The following PAK2 variants were observed in gnomAD, a reference collection of about 807,000 sequenced individuals.
The protein encoded by PAK2 is p21 (RAC1) activated kinase 2, also known as serine/threonine-protein kinase PAK 2.
In PAK2, 21 loss-of-function variants were observed where a neutral mutation model predicts 65.9. That is an observed-to-expected ratio of 0.32 (90% confidence interval 0.23 to 0.46). The LOEUF is 0.46. Among genes scored for constraint, PAK2 ranks in the 20% least tolerant of loss-of-function variants. PAK2 has a pLI of 1.00. For synonymous variants in PAK2, 204 were observed against 219.7 expected (o/e 0.93, Z 0.63); for missense variants, 324 against 642.6 (o/e 0.50, Z 5.36).
At chr3:196,796,046 G>A (rs1032596810) in intron 2 of PAK2, among the ~76,000 whole-genome samples, 3 of 152,190 alleles carry the variant, frequency 2.0e-5, no homozygotes, top group Non-Finnish European at 4.4e-5. Flanking sequence ...TAGGGCTCAC[G>A]CTATGCGGTC....
chr3:196,739,987 G>C lies in PAK2; in HGVS notation c.-192G>C, dbSNP rs1197153524. On this transcript the variant is annotated 5_prime_UTR_variant, in exon 1 of 15. Transcript: ENST00000327134. ...CTGGCGTGCGCAGGACTCCGCCGCC[G>C]CTGGGCCTAGCGGTAGCAGCGGCTG... The C allele has an allele frequency of 6.6e-6, 1 of 151,700 alleles. No individual in the cohort carries two copies. The highest frequency in any genetic ancestry group is 1.5e-5 in the Non-Finnish European group (1 of 67,854). 9.4% of individuals were successfully genotyped at this position (151,700 alleles called of 1,614,324 possible). A position where few individuals can be genotyped will look rare whatever the true frequency, so the allele number is the denominator to read the frequency against.
At chr3:196,826,184 A>G (rs182691691) in intron 13 of PAK2, among the ~76,000 whole-genome samples, 13 of 148,268 alleles carry the variant, frequency 8.8e-5, no homozygotes, top group Admixed American at 5.1e-4. Context: ...TTGTTTGTTT[A>G]TTTTTGGGAC....
chr3:196,799,665 A>AT lies in PAK2; in HGVS notation c.188-2255dup, dbSNP rs554457721. Among the ~76,000 whole-genome samples the AT allele has an allele frequency of 1.5e-3, 226 of 152,178 alleles. 1 individual carries two copies. Among genetic ancestry groups the AT allele is most frequent in the African/African-American group, 5.3e-3 (221 of 41,512 alleles). ...AGAACTGTGAGCCAAATGAACTTTT[A>AT]TTTTTTTGAGGCAGTCTCACGCTGT... On this transcript the variant is annotated intron_variant, in intron 2 of 14. Transcript: ENST00000327134.
At chr3:196,825,707 A>C (rs144099281) in intron 13 of PAK2, among the ~76,000 whole-genome samples, 3,024 of 152,322 alleles carry the variant, frequency 0.02, 36 homozygotes, top group South Asian at 0.054. Flanking sequence ...GGAAATAATT[A>C]GAACTATGTA....
chr3:196,742,417 G>A (rs1713230973), intron 1 of PAK2, among the ~76,000 whole-genome samples: 1 of 152,164 alleles, frequency 6.6e-6, no homozygotes, highest in South Asian at 2.1e-4. Context: ...CTTTTTAAGA[G>A]AGACTAGAAC....
chr3:196,776,576 G>C (rs1161725500), intron 1 of PAK2, among the ~76,000 whole-genome samples: 1 of 152,148 alleles, frequency 6.6e-6, no homozygotes, highest in Non-Finnish European at 1.5e-5. Flanking sequence ...TATCCACTAT[G>C]TTGATTTTAG....
intron 1 of PAK2, among the ~76,000 whole-genome samples, chr3:196,777,236 C>T (rs1714565429): frequency 6.6e-6 from 1 of 152,134 alleles, no homozygotes; most frequent in Non-Finnish European, 1.5e-5. Flanking sequence ...CAGATTCTCA[C>T]TCTGTCACCC....
At chr3:196,759,428 T>C (rs1365463712) in intron 1 of PAK2, among the ~76,000 whole-genome samples, 1 of 150,366 alleles carries the variant, frequency 6.7e-6, no homozygotes, top group Non-Finnish European at 1.5e-5. Context: ...ATTCCTTAAA[T>C]TTTAAAAAAA....
intron 1 of PAK2, among the ~76,000 whole-genome samples, chr3:196,741,806 T>G (rs1421165516): frequency 6.6e-6 from 1 of 151,956 alleles, no homozygotes; most frequent in Non-Finnish European, 1.5e-5. Flanking sequence ...GGTTGGAGTT[T>G]TGTTGGAGTT....
intron 1 of PAK2, among the ~76,000 whole-genome samples, chr3:196,766,285 C>A (rs1332363054): frequency 6.6e-6 from 1 of 152,112 alleles, no homozygotes; most frequent in African/African-American, 2.4e-5. Flanking sequence ...TATGATACAT[C>A]ATGGTAGCTG....
intron 2 of PAK2, among the ~76,000 whole-genome samples, chr3:196,788,837 C>G (rs1206095362): frequency 6.6e-6 from 1 of 152,140 alleles, no homozygotes; most frequent in African/African-American, 2.4e-5. Flanking sequence ...GAGCTGAGTG[C>G]CGCCCGGTGT....
At chr3:196,772,352 G>C (rs1035654862) in intron 1 of PAK2, among the ~76,000 whole-genome samples, 1 of 152,268 alleles carries the variant, frequency 6.6e-6, no homozygotes, top group South Asian at 2.1e-4. Context: ...AGAATAAGTA[G>C]ATTAGTAAAT....
intron 11 of PAK2, 123 bp from the exon 12 acceptor site, chr3:196,817,934 A>T: frequency 2.2e-6 from 1 of 458,392 alleles, no homozygotes; most frequent in Non-Finnish European, 3.9e-6. Flanking sequence ...TTCTTTATAA[A>T]TAAAAGTATT....
At chr3:196,765,143 C>CTT (rs58406576) in intron 1 of PAK2, among the ~76,000 whole-genome samples, 13 of 98,866 alleles carry the variant, frequency 1.3e-4, no homozygotes, top group African/African-American at 4.1e-4. Context: ...CGTGCCCGGC[C>CTT]TTTTTTTTTT....
At chr3:196,762,938 A>G (rs572085116) in intron 1 of PAK2, among the ~76,000 whole-genome samples, 2 of 152,324 alleles carry the variant, frequency 1.3e-5, no homozygotes, top group Admixed American at 1.3e-4. Context: ...ACATGAAAAA[A>G]CATAATTGAC....
chr3:196,740,676 C>A (rs1713160657), intron 1 of PAK2, among the ~76,000 whole-genome samples: 1 of 152,174 alleles, frequency 6.6e-6, no homozygotes, highest in Admixed American at 6.5e-5. Context: ...TTTCCACATT[C>A]CACATTGGTA....
chr3:196,792,098 C>T (rs777276112), intron 2 of PAK2, among the ~76,000 whole-genome samples: 1 of 152,096 alleles, frequency 6.6e-6, no homozygotes, highest in Non-Finnish European at 1.5e-5. Context: ...GTTAGGTGCC[C>T]ACCTCGGACC....
At position 196,820,316 on chromosome 3, in the gene PAK2, C is replaced by T; in HGVS notation, c.1154-55C>T. 1 of 1,028,342 alleles carries T rather than the reference C, an allele frequency of 9.7e-7. No individual in the cohort carries two copies. The highest frequency in any genetic ancestry group is 1.4e-6 in the Non-Finnish European group (1 of 714,650). The allele number at this position is 1,028,342 out of a possible 1,614,324, so 63.7% of individuals were successfully genotyped here. ...TTAATTACATAATCTGAAGTGAACT[C>T]TTCTGCTAAAACCATCCATGGAAGC... is the stretch of plus-strand genomic sequence containing the variant. On this transcript the variant is annotated intron_variant, in intron 12 of 14. Coordinates refer to ENST00000327134, the MANE Select transcript of PAK2 (RefSeq NM_002577.4). This position sits in a 1 kb window ranked among gnomAD's most constrained non-coding sequence, Gnocchi z 4.6.
chr3:196,826,203 G>A (rs112384860), intron 13 of PAK2, among the ~76,000 whole-genome samples: 129 of 149,876 alleles, frequency 8.6e-4, no homozygotes, highest in East Asian at 3.4e-3. Flanking sequence ...ACGGAGTCTC[G>A]CTCTGTCGCC....
Sources: allele counts gnomAD v4.1 joint callset (sites outside exome capture counted in the v4.1 genomes callset), GRCh38; gene constraint gnomAD v4.1.1; non-coding constraint Gnocchi (gnomAD v3.1); transcripts MANE v1.5; gene names NCBI Gene and HGNC (gene_info 2026-07-23, HGNC 2026-07-21).